The following PTGR1 variants were observed in gnomAD, a reference collection of about 807,000 sequenced individuals.
PTGR1 encodes the protein prostaglandin reductase 1.
A neutral mutation model predicts 37.7 loss-of-function variants in PTGR1; 23 were observed. The observed-to-expected ratio is 0.61, with a 90% CI of 0.44 to 0.86. The LOEUF (loss-of-function observed/expected upper bound fraction) is 0.86. Among genes scored for constraint, PTGR1 ranks in the 40% least tolerant of loss-of-function variants. PTGR1 has a pLI of 0.00. For synonymous variants in PTGR1, 134 were observed against 140.0 expected, an observed-to-expected ratio of 0.96 and a Z score of 0.30; for missense variants, 351 against 394.3, an observed-to-expected ratio of 0.89 and a Z score of 0.93.
At chr9:111,576,693 C>T in intron 7 of PTGR1, 1 of 316,910 alleles carries the variant, frequency 3.2e-6, no homozygotes, top group Non-Finnish European at 5.8e-6. Context: ...CATATTTCCC[C>T]TAGAAGCAAT....
At chr9:111,559,168 C>T (rs1275504311), downstream of PTGR1, among the ~76,000 whole-genome samples, 7 of 152,142 alleles carry the variant, frequency 4.6e-5, no homozygotes, top group Non-Finnish European at 8.8e-5. Flanking sequence ...TGGGATCCAA[C>T]CGCCCATACC....
At chr9:111,588,017 CT>C (rs1554819756) in intron 4 of PTGR1, among the ~76,000 whole-genome samples, 92 of 140,270 alleles carry the variant, frequency 6.6e-4, no homozygotes, top group Middle Eastern at 3.7e-3. Flanking sequence ...ATTATTTTTT[CT>C]TTTTTTTTTT....
chr9:111,586,745 T>C (rs1829440391), intron 4 of PTGR1, among the ~76,000 whole-genome samples: 3 of 151,864 alleles, frequency 2.0e-5, no homozygotes, highest in Admixed American at 1.3e-4. Flanking sequence ...CAAAATCCAG[T>C]GGATATTCCT....
chr9:111,573,611 T>A (rs1465578854), intron 8 of PTGR1, among the ~76,000 whole-genome samples: 1 of 152,166 alleles, frequency 6.6e-6, no homozygotes, highest in Non-Finnish European at 1.5e-5. Context: ...ATTTGTGATC[T>A]CTCTTAATAG....
At chr9:111,598,036 T>C (rs187957369) in intron 1 of PTGR1, among the ~76,000 whole-genome samples, 2 of 151,958 alleles carry the variant, frequency 1.3e-5, no homozygotes. Context: ...TCTTTTCTTG[T>C]AGAGAGGAGC....
chr9:111,561,148 G>GGA (rs527553902), downstream of PTGR1, among the ~76,000 whole-genome samples: 747 of 34,838 alleles, frequency 0.021, 27 homozygotes, highest in South Asian at 0.041. Flanking sequence ...GGAGAGAGAG[G>GGA]GAGAGAGAGA....
intron 7 of PTGR1, among the ~76,000 whole-genome samples, chr9:111,575,654 T>C (rs1829023946): frequency 6.6e-6 from 1 of 152,128 alleles, no homozygotes; most frequent in East Asian, 1.9e-4. Flanking sequence ...AGAGGAAAAA[T>C]AGTCCTTTCA....
downstream of PTGR1, among the ~76,000 whole-genome samples, chr9:111,558,099 AT>A (rs1228031452): frequency 1.3e-5 from 2 of 152,076 alleles, no homozygotes; most frequent in Non-Finnish European, 2.9e-5. Context: ...CTAAGCCGAG[AT>A]TGCACCACTG....
intron 8 of PTGR1, among the ~76,000 whole-genome samples, chr9:111,571,543 A>G (rs77083817): frequency 0.065 from 8,824 of 134,894 alleles, 705 homozygotes; most frequent in African/African-American, 0.11. Context: ...AAGTGGTGCC[A>G]TCACTGCTCA....
chr9:111,592,594 G>T, intron 4 of PTGR1: 1 of 205,846 alleles, frequency 4.9e-6, no homozygotes. Context: ...TCAACCTGCC[G>T]ATCCACCTGG....
intron 8 of PTGR1, among the ~76,000 whole-genome samples, chr9:111,571,402 C>T (rs904824056): frequency 2.0e-5 from 3 of 149,456 alleles, no homozygotes; most frequent in South Asian, 4.4e-4. Context: ...GAGCGAGACT[C>T]GGTTTCAAAA....
downstream of PTGR1, among the ~76,000 whole-genome samples, chr9:111,561,955 G>A (rs998900416): frequency 1.3e-5 from 2 of 148,888 alleles, no homozygotes; most frequent in Admixed American, 6.7e-5. Flanking sequence ...GCACAATATC[G>A]GCTCACTGCA....
intron 1 of PTGR1, 118 bp from the exon 2 acceptor site, chr9:111,597,550 C>T (rs1196300760): frequency 1.6e-6 from 1 of 626,632 alleles, no homozygotes; most frequent in Non-Finnish European, 2.8e-6. Flanking sequence ...CCATCATTAT[C>T]ATATCATGCC....
At chr9:111,596,947 A>G (rs1268443608) in intron 2 of PTGR1, among the ~76,000 whole-genome samples, 2 of 151,270 alleles carry the variant, frequency 1.3e-5, no homozygotes, top group African/African-American at 2.4e-5. Flanking sequence ...AAAAAAAAAA[A>G]AGAGAAAGTG....
rs541642071 is a variant in PTGR1, at chr9:111,595,984, C to A, written c.106+1333G>T. Among the ~76,000 whole-genome samples the A allele has an allele frequency of 3.3e-5, 5 of 152,316 alleles. No individual in the cohort carries two copies. In the East Asian group the frequency reaches 9.7e-4, roughly 29 times the overall value. On this transcript the variant is annotated intron_variant, in intron 2 of 9. Transcript: ENST00000407693. ...TCGTATAGCTACTGGGCAGTGCTTA[C>A]CTCACTGCCATCATCAGGCTTATGA...
chr9:111,574,872 A>G (rs1159518195), intron 7 of PTGR1, 30 bp from the exon 8 acceptor site: 2 of 1,483,262 alleles, frequency 1.3e-6, no homozygotes, highest in Non-Finnish European at 1.9e-6. Context: ...AAAATGTTAA[A>G]TAATCTAAAT....
chr9:111,594,350 G>A, intron 2 of PTGR1, 83 bp from the exon 3 acceptor site: 1 of 1,221,184 alleles, frequency 8.2e-7, no homozygotes, highest in Non-Finnish European at 1.2e-6. Flanking sequence ...TAGACAGGAG[G>A]GGTGAGACAG....
At chr9:111,598,027 CTT>C (rs1829836612) in intron 1 of PTGR1, among the ~76,000 whole-genome samples, 1 of 150,146 alleles carries the variant, frequency 6.7e-6, no homozygotes, top group Admixed American at 6.6e-5. Context: ...TTTTTTCTCT[CTT>C]TTCTTGTAGA....
chr9:111,574,614 A>G (rs55902909), intron 8 of PTGR1, 120 bp downstream of exon 8: 30,846 of 702,766 alleles, frequency 0.044, 1,425 homozygotes, highest in African/African-American at 0.14. Flanking sequence ...TAAAAAAAAA[A>G]AAAAAAGAAT....
Sources: allele counts gnomAD v4.1 joint callset (sites outside exome capture counted in the v4.1 genomes callset), GRCh38; gene constraint gnomAD v4.1.1; transcripts MANE v1.5; gene names NCBI Gene and HGNC (gene_info 2026-07-23, HGNC 2026-07-21).